The following JADE3 variants were observed in gnomAD, a reference collection of about 807,000 sequenced individuals.
The protein encoded by JADE3 is jade family PHD finger 3, also known as protein Jade-3.
A neutral mutation model predicts 50.1 loss-of-function variants in JADE3; 2 were observed. The ratio of observed to expected loss-of-function variants is 0.04; its 90% confidence interval spans 0.02 to 0.13. The LOEUF is 0.13. Ranked by LOEUF, JADE3 falls within the 10% of genes least tolerant of loss-of-function variation. The pLI, the probability that JADE3 is intolerant of heterozygous loss-of-function variation, is 1.00. For synonymous variants in JADE3, 218 were observed against 232.9 expected (o/e 0.94, Z 0.58); for missense variants, 475 against 634.4 (o/e 0.75, Z 2.70).
intron 4 of JADE3, among the ~76,000 whole-genome samples, chrX:47,010,869 C>T (rs1928548459): frequency 9.0e-6 from 1 of 111,583 alleles, no homozygotes; most frequent in Non-Finnish European, 1.9e-5. Flanking sequence ...GTTCTAGAGT[C>T]TAGAAATCCA....
chrX:46,999,148 C>G (rs1262109472), intron 4 of JADE3, among the ~76,000 whole-genome samples: 1 of 110,396 alleles, frequency 9.1e-6, no homozygotes, highest in Non-Finnish European at 1.9e-5. Context: ...TAAGAGATCA[C>G]AAGAGTGAGC....
chrX:47,004,990 T>G (rs1234523944), intron 4 of JADE3, among the ~76,000 whole-genome samples: 1 of 111,456 alleles, frequency 9.0e-6, no homozygotes, highest in East Asian at 2.8e-4. Context: ...CCCTGAGCAT[T>G]TTATATAATG....
At chrX:47,020,481 A>AT (rs782191203) in intron 4 of JADE3, among the ~76,000 whole-genome samples, 26 of 111,171 alleles carry the variant, frequency 2.3e-4, no homozygotes, top group Non-Finnish European at 4.3e-4. Context: ...TCCCAAACAT[A>AT]TTTTTTTTCA....
chrX:47,017,696 T>C (rs1556363221), intron 4 of JADE3, among the ~76,000 whole-genome samples: 2 of 112,250 alleles, frequency 1.8e-5, no homozygotes, highest in African/African-American at 6.5e-5. Context: ...TATATACTTC[T>C]GCATCGTTAA....
At chrX:47,013,331 C>T (rs1928602365) in intron 4 of JADE3, among the ~76,000 whole-genome samples, 1 of 111,856 alleles carries the variant, frequency 8.9e-6, no homozygotes, top group Non-Finnish European at 1.9e-5. Context: ...TTTTTTTAAT[C>T]TCCTGTTTCA....
intron 6 of JADE3, among the ~76,000 whole-genome samples, chrX:47,030,452 A>G (rs192430445): frequency 5.5e-4 from 62 of 112,027 alleles, no homozygotes; most frequent in African/African-American, 1.9e-3. Flanking sequence ...AAAGTTTCAC[A>G]TAAGAGATTC....
In JADE3 at chrX:47,051,094, T is replaced by C. The variant is rs28479262; in HGVS notation, c.973-3064T>C. 6.6e-3 allele frequency among the ~76,000 whole-genome samples: 719 copies of C among 109,689 alleles called. 9 individuals are homozygous for C. Among genetic ancestry groups the C allele is most frequent in the African/African-American group, 0.022 (658 of 30,098 alleles). On this transcript the variant is annotated intron_variant, in intron 8 of 10. Coordinates refer to ENST00000614628, the MANE Select transcript of JADE3 (RefSeq NM_014735.5). ...TGGAAGAATTCAGTAAGTGGCTAGATTACCACTTAATTGGAAAGTGGAGGG... is the reference window on the plus strand; with the variant it reads ...TGGAAGAATTCAGTAAGTGGCTAGACTACCACTTAATTGGAAAGTGGAGGG...
At chrX:47,037,099 T>TAA (rs782695466) in intron 7 of JADE3, among the ~76,000 whole-genome samples, 94 of 87,454 alleles carry the variant, frequency 1.1e-3, no homozygotes, top group African/African-American at 5.0e-3. Context: ...CCCTAAAACT[T>TAA]AAAGTATAAT....
chrX:46,937,158 A>G (rs1310047872), intron 1 of JADE3, among the ~76,000 whole-genome samples: 2 of 111,965 alleles, frequency 1.8e-5, no homozygotes, highest in African/African-American at 6.5e-5. Flanking sequence ...AAAATATTTT[A>G]TAATTTATCT....
chrX:46,985,950 C>T (rs1201687180), intron 3 of JADE3, among the ~76,000 whole-genome samples, 158 bp downstream of exon 3: 1 of 111,536 alleles, frequency 9.0e-6, no homozygotes, highest in Non-Finnish European at 1.9e-5. Flanking sequence ...TTAATGCCCT[C>T]CCAGAGCAGG....
chrX:46,968,152 T>A (rs1556349391), intron 1 of JADE3, among the ~76,000 whole-genome samples: 2 of 111,969 alleles, frequency 1.8e-5, no homozygotes, highest in African/African-American at 6.5e-5. Flanking sequence ...ATAGGTTGAT[T>A]CTTTCTCTTT....
At chrX:46,955,541 T>A (rs1343436911) in intron 1 of JADE3, among the ~76,000 whole-genome samples, 1 of 112,295 alleles carries the variant, frequency 8.9e-6, no homozygotes, top group Non-Finnish European at 1.9e-5. Context: ...CCTTATTGAT[T>A]GTGAAATATT....
chrX:47,044,816 CTTCT>C (rs1249160993), intron 8 of JADE3, among the ~76,000 whole-genome samples: 6 of 111,794 alleles, frequency 5.4e-5, no homozygotes, highest in African/African-American at 1.6e-4. Context: ...TTTCTCCTTG[CTTCT>C]TTGTTAATTT....
At position 46,983,074 on chromosome X, in the gene JADE3, G is replaced by C. The variant is rs1165605088; in HGVS notation, c.-11-1810G>C. ...TCAAATTAGGGCTCCTTTGAAGATA[G>C]TTCCTGAGATCTGTGTTTGAGATTT... On this transcript the variant is annotated intron_variant, in intron 1 of 10. Coordinates refer to ENST00000614628, the MANE Select transcript of JADE3 (RefSeq NM_014735.5). Among the ~76,000 whole-genome samples the C allele has an allele frequency of 2.7e-5, 3 of 111,767 alleles. No individual in the cohort carries two copies. In the East Asian group the frequency reaches 8.4e-4, roughly 31 times the overall value.
intron 2 of JADE3, among the ~76,000 whole-genome samples, chrX:46,985,268 T>C (rs1240328375): frequency 8.9e-6 from 1 of 111,939 alleles, no homozygotes; most frequent in African/African-American, 3.2e-5. Flanking sequence ...GTAGCTTAGG[T>C]ACTAAGTGTT....
intron 4 of JADE3, among the ~76,000 whole-genome samples, chrX:47,011,763 T>A (rs1928568894): frequency 8.9e-6 from 1 of 112,146 alleles, no homozygotes; most frequent in Non-Finnish European, 1.9e-5. Context: ...GTGATTATGA[T>A]TTGCATTTGT....
At chrX:47,046,483 C>A (rs1224537993) in intron 8 of JADE3, among the ~76,000 whole-genome samples, 1 of 111,902 alleles carries the variant, frequency 8.9e-6, no homozygotes, top group Non-Finnish European at 1.9e-5. Context: ...GTTACTCAAA[C>A]TATTCCAAAA....
At chrX:46,944,946 C>T (rs964583239) in intron 1 of JADE3, among the ~76,000 whole-genome samples, 4 of 109,564 alleles carry the variant, frequency 3.7e-5, no homozygotes, top group African/African-American at 1.0e-4. Flanking sequence ...TGGGCTCAAG[C>T]AATCCTCCCA....
chrX:46,913,405 G>C (rs1926010270), intron 1 of JADE3, among the ~76,000 whole-genome samples: 1 of 110,981 alleles, frequency 9.0e-6, no homozygotes, highest in South Asian at 3.8e-4. Context: ...GTCCGTGGCC[G>C]CCGAGCGTCG....
Sources: gnomAD v4.1 joint callset for allele counts (sites outside exome capture counted in the v4.1 genomes callset) on GRCh38, gnomAD v4.1.1 for gene constraint, MANE v1.5 for transcripts, NCBI Gene and HGNC (gene_info 2026-07-23, HGNC 2026-07-21) for gene names.